The following AHNAK variants were observed in gnomAD, a reference collection of about 807,000 sequenced individuals.
AHNAK encodes the protein AHNAK nucleoprotein.
AHNAK carries 23 observed loss-of-function variants against 37.8 expected under a neutral mutation model. The ratio of observed to expected loss-of-function variants is 0.61; its 90% CI spans 0.44 to 0.86. AHNAK has a LOEUF of 0.86. AHNAK is among the 40% of genes least tolerant of loss of function. The probability of loss-of-function intolerance (pLI) is 0.00; values close to 1 mark genes in which losing one functional copy is unlikely to be tolerated. For missense variants in AHNAK, 7,411 were observed against 7,319.4 expected, an observed-to-expected ratio of 1.01 and a Z score of -0.46; for synonymous variants, 2,481 against 2,636.3, an observed-to-expected ratio of 0.94 and a Z score of 1.80.
chr11:62,512,999 G>A (rs1253771843), downstream of AHNAK, among the ~76,000 whole-genome samples: 2 of 152,172 alleles, frequency 1.3e-5, no homozygotes, highest in Non-Finnish European at 2.9e-5. The surrounding 1 kb of genome is among the most constrained non-coding windows in gnomAD (Gnocchi z 4.0). Flanking sequence ...AGCCCATGGT[G>A]TAATTCAAAA....
intron 5 of AHNAK, among the ~76,000 whole-genome samples, chr11:62,489,269 T>C (rs1939455739): frequency 6.8e-6 from 1 of 146,850 alleles, no homozygotes; most frequent in Non-Finnish European, 1.5e-5. Flanking sequence ...CATAGGAGCA[T>C]AGACCGGCAT....
intron 4 of AHNAK, among the ~76,000 whole-genome samples, chr11:62,502,835 T>A (rs1939736594): frequency 6.6e-6 from 1 of 152,022 alleles, no homozygotes; most frequent in Non-Finnish European, 1.5e-5. Context: ...AAAAGAGTAC[T>A]GGGAAGAGCT....
intron 4 of AHNAK, among the ~76,000 whole-genome samples, chr11:62,505,272 G>T (rs2134177332): frequency 6.6e-6 from 1 of 152,226 alleles, no homozygotes; most frequent in African/African-American, 2.4e-5. Context: ...CGGGCACATG[G>T]CTCACAGCAA....
intron 1 of AHNAK, chr11:62,546,212 T>A (rs1437722075): frequency 6.5e-6 from 1 of 154,322 alleles, no homozygotes; most frequent in Non-Finnish European, 1.4e-5. Flanking sequence ...CGGTGCGGGG[T>A]CGCGGAGGCG....
At chr11:62,500,377 T>C (rs1295282405) in intron 4 of AHNAK, among the ~76,000 whole-genome samples, 4 of 152,188 alleles carry the variant, frequency 2.6e-5, no homozygotes, top group African/African-American at 9.7e-5. Context: ...GAGCCCAGCC[T>C]AGCCAGCTTC....
intron 5 of AHNAK, among the ~76,000 whole-genome samples, chr11:62,469,774 T>G (rs1158883998): frequency 6.6e-6 from 1 of 152,114 alleles, no homozygotes; most frequent in Admixed American, 6.6e-5. Context: ...GGCCTACGTG[T>G]AATTTTTGTC....
intron 5 of AHNAK, among the ~76,000 whole-genome samples, chr11:62,461,499 T>A (rs1227630260): frequency 1.3e-5 from 2 of 152,100 alleles, no homozygotes; most frequent in Non-Finnish European, 2.9e-5. Context: ...AATCTAGAGA[T>A]CATAAAACAT....
rs1053508207 is a variant in AHNAK at position 62,546,666 on chromosome 11, G to T, written c.-106C>A. Reference sequence around the variant, plus strand: ...GTGCGCCTGGCGCCCCTACCTGAGGGCTCAGCCCCAGGGCACGGCCATAGC... The same window carrying T: ...GTGCGCCTGGCGCCCCTACCTGAGGTCTCAGCCCCAGGGCACGGCCATAGC... On this transcript the variant is annotated 5_prime_UTR_variant, in exon 1 of 5. Transcript: ENST00000378024. 6.6e-6 allele frequency: 1 copy of T among 152,280 alleles called. No homozygotes were observed. Among genetic ancestry groups the T allele is most frequent in the African/African-American group, 2.4e-5 (1 of 41,466 alleles). The allele number at this position is 152,280 out of a possible 1,614,324, so 9.4% of individuals were successfully genotyped here.
chr11:62,501,677 C>T (rs990952550), intron 4 of AHNAK, among the ~76,000 whole-genome samples: 14 of 152,364 alleles, frequency 9.2e-5, no homozygotes, highest in East Asian at 1.9e-4. Context: ...TACTCTACTG[C>T]GCTCACATGT....
chr11:62,523,589 A>C lies in AHNAK; in HGVS notation c.10828T>G (p.Phe3610Val). The C allele has an allele frequency of 1.2e-6, 2 of 1,614,006 alleles. No homozygotes were observed. The highest frequency in any genetic ancestry group is 1.7e-6 in the Non-Finnish European group (2 of 1,179,998). ...LKMPKVKMPK[F>V]SMPGFKGEGP... ...TCTCCTTTGAAGCCAGGCATGCTGA[A>C]CTTGGGCATTTTCACTTTGGGCATC... The change falls in exon 5 of 5, where the codon TTC (phenylalanine) becomes GTC (valine). Residue 3610 changes from phenylalanine to valine, a missense_variant. Physicochemically the swap from Phe to Val is conservative, Grantham distance 50. Transcript: ENST00000378024.
At chr11:62,474,341 C>A (rs12274186) in intron 5 of AHNAK, among the ~76,000 whole-genome samples, 1 of 151,946 alleles carries the variant, frequency 6.6e-6, no homozygotes, top group African/African-American at 2.4e-5. Context: ...CATGCCACCA[C>A]GCCCAGCTAA....
At chr11:62,494,427 G>A (rs1314913391) in intron 4 of AHNAK, among the ~76,000 whole-genome samples, 5 of 151,856 alleles carry the variant, frequency 3.3e-5, no homozygotes, top group East Asian at 1.9e-4. Context: ...ACACATTGGC[G>A]CTTACCACAT....
At chr11:62,477,915 T>TG (rs920002216) in intron 5 of AHNAK, among the ~76,000 whole-genome samples, 7 of 152,026 alleles carry the variant, frequency 4.6e-5, no homozygotes, top group African/African-American at 9.6e-5. Context: ...GCTTAGGGGA[T>TG]GGGGGGCCTT....
rs1417520890 is a variant in AHNAK at position 62,459,574 on chromosome 11, G to GACCTCCAC, written c.443-25691_443-25684dup. 9.9e-5 allele frequency among the ~76,000 whole-genome samples: 15 copies of GACCTCCAC among 152,226 alleles called. No individual in the cohort carries two copies. In the East Asian group the frequency reaches 2.5e-3, roughly 25 times the overall value. ...GCCCAGAGATGAATGCCCCTCTCCT[G>GACCTCCAC]ACCTCCACACCTCCACACAAGCCCC... On this transcript the variant is annotated intron_variant, in intron 5 of 5. Coordinates refer to the AHNAK transcript ENST00000257247.
At chr11:62,493,688 C>T (rs1425413668) in intron 4 of AHNAK, among the ~76,000 whole-genome samples, 1 of 151,756 alleles carries the variant, frequency 6.6e-6, no homozygotes, top group Non-Finnish European at 1.5e-5. Context: ...CCAGGCTGGT[C>T]TTGAACTCCT....
Position 62,526,144 on chromosome 11 carries a change from T to C in AHNAK, c.8273A>G (p.His2758Arg), listed in dbSNP as rs774493164. 2.5e-6 allele frequency: 4 copies of C among 1,613,760 alleles called. No homozygotes were observed. The highest frequency in any genetic ancestry group is 1.1e-5 in the South Asian group (1 of 91,064). Reference sequence around the variant, plus strand: ...CATCTTTAGGTGCCAGTCTGGGCCATGAACATCAACATCAGGTGCGTCAAT... The same window carrying C: ...CATCTTTAGGTGCCAGTCTGGGCCACGAACATCAACATCAGGTGCGTCAAT... ...VDIDAPDVDV[H>R]GPDWHLKMPK... is the part of the protein sequence containing the mutation. The change falls in exon 5 of 5, where the codon CAT becomes CGT. Residue 2758 changes from histidine (H) to arginine (R), a missense_variant. By Grantham distance (29) the His-to-Arg change is conservative. Coordinates refer to ENST00000378024, the MANE Select transcript of AHNAK (RefSeq NM_001620.3).
At position 62,519,230 on chromosome 11, in the gene AHNAK, T is replaced by C; in HGVS notation, c.15187A>G (p.Asn5063Asp). The C allele has an allele frequency of 1.2e-6, 2 of 1,613,816 alleles. No homozygotes were observed. The highest frequency in any genetic ancestry group is 1.7e-6 in the Non-Finnish European group (2 of 1,179,902). Residue 5063 changes from asparagine (N) to aspartate (D), a missense_variant, in exon 5 of 5, where the codon AAC becomes GAC. By Grantham distance (23) the Asn-to-Asp change is conservative. Transcript: ENST00000378024. ...ASLKAPDVDV[N>D]IAGPDAALKV... is the part of the protein sequence containing the mutation. ...AGTGCAGCATCCGGCCCTGCGATGT[T>C]GACATCTACATCCGGAGCCTTGAGG...
At chr11:62,491,453 G>A (rs776324274) in intron 5 of AHNAK, among the ~76,000 whole-genome samples, 27 of 152,126 alleles carry the variant, frequency 1.8e-4, no homozygotes, top group Non-Finnish European at 2.2e-4. Context: ...GATATTCCAC[G>A]GCAGCCCTCC....
intron 5 of AHNAK, among the ~76,000 whole-genome samples, chr11:62,475,263 A>G (rs937935607): frequency 6.6e-6 from 1 of 152,094 alleles, no homozygotes; most frequent in Admixed American, 6.6e-5. Context: ...AGATCGCACC[A>G]TTGCACTCCA....
Sources: gnomAD v4.1 joint callset for allele counts (sites outside exome capture counted in the v4.1 genomes callset) on GRCh38, gnomAD v4.1.1 for gene constraint, Gnocchi (gnomAD v3.1) non-coding constraint, MANE v1.5 for transcripts, NCBI Gene and HGNC (gene_info 2026-07-23, HGNC 2026-07-21) for gene names.